The following RGL1 variants were observed in gnomAD, a reference collection of about 807,000 sequenced individuals.
The protein encoded by RGL1 is ral guanine nucleotide dissociation stimulator-like 1.
RGL1 carries 24 observed loss-of-function variants against 95.2 expected under a neutral mutation model. The ratio of observed to expected loss-of-function variants is 0.25; its 90% CI spans 0.18 to 0.35. The LOEUF (loss-of-function observed/expected upper bound fraction) is 0.35. Among genes scored for constraint, RGL1 ranks in the 10% least tolerant of loss-of-function variants. The pLI, the probability that RGL1 is intolerant of heterozygous loss-of-function variation, is 1.00. For synonymous variants in RGL1, 329 were observed against 344.9 expected (o/e 0.95, Z 0.51); for missense variants, 715 against 936.3 (o/e 0.76, Z 3.08).
chr1:183,783,633 C>T (rs939993511), intron 2 of RGL1, among the ~76,000 whole-genome samples: 1 of 152,142 alleles, frequency 6.6e-6, no homozygotes, highest in Non-Finnish European at 1.5e-5. Context: ...TTTCCCCCAG[C>T]TACTTTGCTT....
chr1:183,899,166 C>A (rs1308584269), intron 10 of RGL1, among the ~76,000 whole-genome samples: 25 of 152,198 alleles, frequency 1.6e-4, no homozygotes. Flanking sequence ...AGTGCAGTTT[C>A]CCTCATTGTT....
intron 14 of RGL1, among the ~76,000 whole-genome samples, chr1:183,909,976 G>A (rs1478097693): frequency 6.6e-6 from 1 of 152,060 alleles, no homozygotes; most frequent in Non-Finnish European, 1.5e-5. Flanking sequence ...GCACTTTGAC[G>A]ATATTATTCA....
chr1:183,869,718 G>A (rs79789484), intron 4 of RGL1, among the ~76,000 whole-genome samples: 1 of 151,524 alleles, frequency 6.6e-6, no homozygotes, highest in African/African-American at 2.4e-5. Flanking sequence ...GATCATTTCT[G>A]TGCCTAGATA....
At chr1:183,831,027 A>G (rs993956369) in intron 2 of RGL1, among the ~76,000 whole-genome samples, 1 of 152,206 alleles carries the variant, frequency 6.6e-6, no homozygotes. Flanking sequence ...CACCAGAGAC[A>G]CAGTGGTGGG....
chr1:183,705,099 C>A (rs1033522822), intron 1 of RGL1, among the ~76,000 whole-genome samples: 1 of 152,072 alleles, frequency 6.6e-6, no homozygotes, highest in Admixed American at 6.5e-5. Context: ...ATAGGCAGTG[C>A]AGGGTTTAAA....
At chr1:183,924,373 AC>A (rs1368912187) in intron 17 of RGL1, among the ~76,000 whole-genome samples, 1 of 152,160 alleles carries the variant, frequency 6.6e-6, no homozygotes, top group African/African-American at 2.4e-5. Context: ...GGAACAAAAA[AC>A]CAAACACTGC....
chr1:183,897,998 C>G, intron 10 of RGL1, 101 bp downstream of exon 10: 1 of 905,110 alleles, frequency 1.1e-6, no homozygotes, highest in Non-Finnish European at 1.7e-6. Context: ...ACAGGGCACC[C>G]AGGCTTTCAG....
chr1:183,792,060 C>A (rs925257259), intron 2 of RGL1, among the ~76,000 whole-genome samples: 8 of 152,104 alleles, frequency 5.3e-5, no homozygotes, highest in Non-Finnish European at 1.2e-4. Flanking sequence ...ATCCCCAGAA[C>A]TGAGCTGATA....
chr1:183,648,270 C>T (rs139605657), intron 1 of RGL1: 18 of 1,614,136 alleles, frequency 1.1e-5, no homozygotes, highest in Middle Eastern at 1.6e-4. Context: ...GAGAGCTTCG[C>T]GGTTCCATGC....
chr1:183,746,029 T>C (rs1017014876), intron 2 of RGL1, among the ~76,000 whole-genome samples: 31 of 152,242 alleles, frequency 2.0e-4, no homozygotes, highest in South Asian at 1.0e-3. Flanking sequence ...TTCATTTTTT[T>C]TTTTTTGCTA....
intron 1 of RGL1, among the ~76,000 whole-genome samples, chr1:183,693,440 T>A (rs1019159533): frequency 1.3e-5 from 2 of 152,034 alleles, no homozygotes; most frequent in Non-Finnish European, 2.9e-5. Context: ...TCTTTTATCT[T>A]GCTTTCAAAA....
intron 1 of RGL1, among the ~76,000 whole-genome samples, chr1:183,670,975 T>C (rs539190517): frequency 6.6e-6 from 1 of 152,334 alleles, no homozygotes; most frequent in African/African-American, 2.4e-5. Flanking sequence ...TTTAATTGAC[T>C]CTCAGTTCTG....
intron 1 of RGL1, among the ~76,000 whole-genome samples, chr1:183,703,795 G>A (rs929702694): frequency 1.3e-5 from 2 of 152,174 alleles, no homozygotes; most frequent in African/African-American, 2.4e-5. Context: ...GGTAGGAAAA[G>A]GCAGTGGCTG....
intron 1 of RGL1, among the ~76,000 whole-genome samples, chr1:183,739,235 A>G (rs1030794695): frequency 5.3e-5 from 8 of 152,196 alleles, no homozygotes; most frequent in Non-Finnish European, 1.0e-4. Flanking sequence ...ATCCTTACCT[A>G]TGTACTCATC....
chr1:183,905,083 A>C (rs1382014143), intron 13 of RGL1, 112 bp downstream of exon 13: 2 of 1,343,874 alleles, frequency 1.5e-6, no homozygotes, highest in Non-Finnish European at 1.0e-6. Context: ...AGCAGCTGCT[A>C]GGTTCCAGGT....
intron 11 of RGL1, among the ~76,000 whole-genome samples, chr1:183,901,643 TTCTCTCTCTCTG>T (rs1668031470): frequency 6.6e-6 from 1 of 152,046 alleles, no homozygotes; most frequent in African/African-American, 2.4e-5. Context: ...TGGGGTATTT[TTCTCTCTCTCTG>T]TCTCTCTCTC....
In RGL1 at chr1:183,811,046, T is replaced by C. The variant is rs547659719; in HGVS notation, c.138+4561T>C. On this transcript the variant is annotated intron_variant, in intron 2 of 17. Coordinates refer to ENST00000360851, the MANE Select transcript of RGL1 (RefSeq NM_001297671.3). ...CCTTCTTTGGGGGACTAATATTGTT[T>C]TTATAAGTATGAATGCATAGTTGGT... Among the ~76,000 whole-genome samples, 3 of 152,322 alleles carry C rather than the reference T, an allele frequency of 2.0e-5. No individual in the cohort carries two copies. The South Asian group carries it at 6.2e-4, about 32-fold the overall frequency.
intron 2 of RGL1, among the ~76,000 whole-genome samples, chr1:183,796,258 G>A (rs2102391335): frequency 6.7e-6 from 1 of 149,938 alleles, no homozygotes; most frequent in East Asian, 2.0e-4. Flanking sequence ...TCTGCCTCCT[G>A]GGTTCAAGCA....
chr1:183,766,278 G>C (rs551316792), intron 2 of RGL1, among the ~76,000 whole-genome samples: 13 of 151,848 alleles, frequency 8.6e-5, no homozygotes, highest in Middle Eastern at 3.4e-3. Context: ...TTGTTTTCAA[G>C]TACACACATG....
Sources: gnomAD v4.1 joint callset for allele counts (sites outside exome capture counted in the v4.1 genomes callset) on GRCh38, gnomAD v4.1.1 for gene constraint, MANE v1.5 for transcripts, NCBI Gene and HGNC (gene_info 2026-07-23, HGNC 2026-07-21) for gene names.